ACSL3: variants seen among roughly 807,000 people sequenced by gnomAD.
ACSL3 encodes fatty acid CoA ligase Acsl3.
A neutral mutation model predicts 84.7 loss-of-function variants in ACSL3; 34 were observed. The ratio of observed to expected loss-of-function variants is 0.40; its 90% CI spans 0.31 to 0.53. The LOEUF (loss-of-function observed/expected upper bound fraction) is 0.53. Ranked by LOEUF, ACSL3 falls within the 20% of genes least tolerant of loss-of-function variation. ACSL3 has a pLI of 0.48. For missense variants in ACSL3, 680 were observed against 873.1 expected (o/e 0.78, Z 2.79); for synonymous variants, 315 against 299.4 (o/e 1.05, Z -0.54).
Position 222,861,222 on chromosome 2 carries a change from G to T in ACSL3, c.-243G>T, listed in dbSNP as rs1434040219. ...TCTGGGGCTCAGCCAGGCCTGCGCGGGCCCGAGGCCGGAGGAACCCGGACT... is the reference window on the plus strand; with the variant it reads ...TCTGGGGCTCAGCCAGGCCTGCGCGTGCCCGAGGCCGGAGGAACCCGGACT... On this transcript the variant is annotated 5_prime_UTR_variant, in exon 1 of 17. Transcript: ENST00000357430. The T allele has an allele frequency of 6.6e-6, 1 of 152,172 alleles. No individual in the cohort carries two copies. The highest frequency in any genetic ancestry group is 1.5e-5 in the Non-Finnish European group (1 of 68,062). 9.4% of individuals were successfully genotyped at this position (152,172 alleles called of 1,614,324 possible). A position where few individuals can be genotyped will look rare whatever the true frequency, so the allele number is the denominator to read the frequency against.
Position 222,899,378 on chromosome 2 carries a change from G to A in ACSL3, c.-147-1296G>A, listed in dbSNP as rs1235440181. On this transcript the variant is annotated intron_variant, in intron 2 of 16. Coordinates refer to ENST00000357430, the MANE Select transcript of ACSL3 (RefSeq NM_004457.5). Reference sequence around the variant, plus strand: ...TCGTCCCAGCTACTCAGGAGGCTGAGGCAGGAGAATCGCTTGAACCTGGGA... The same window carrying A: ...TCGTCCCAGCTACTCAGGAGGCTGAAGCAGGAGAATCGCTTGAACCTGGGA... Among the ~76,000 whole-genome samples, 3 of 152,140 alleles carry A rather than the reference G, an allele frequency of 2.0e-5. No individual in the cohort carries two copies. The East Asian group carries it at 5.8e-4, about 29-fold the overall frequency.
intron 4 of ACSL3, among the ~76,000 whole-genome samples, chr2:222,913,155 ATATGGTGCTTAGAG>A (rs1233022656): frequency 6.6e-6 from 1 of 152,218 alleles, no homozygotes; most frequent in African/African-American, 2.4e-5. Context: ...GGATTATGTA[ATATGGTGCTTAGAG>A]AAGACTTCAC....
chr2:222,938,955 T>A (rs921952186), intron 16 of ACSL3, among the ~76,000 whole-genome samples: 4 of 152,180 alleles, frequency 2.6e-5, no homozygotes, highest in African/African-American at 9.6e-5. Context: ...TCTATTTGGT[T>A]CTTCATTTTA....
chr2:222,922,470 A>C (rs566898314), intron 8 of ACSL3, among the ~76,000 whole-genome samples: 1 of 152,296 alleles, frequency 6.6e-6, no homozygotes, highest in Non-Finnish European at 1.5e-5. Context: ...CCTTCCTGCA[A>C]GTGTGCGCCT....
chr2:222,914,234 C>CGTGTGTGTGTGTGTGT (rs57546680), intron 4 of ACSL3, among the ~76,000 whole-genome samples: 80 of 140,266 alleles, frequency 5.7e-4, no homozygotes, highest in African/African-American at 2.1e-3. Flanking sequence ...TGTGTGTGTA[C>CGTGTGTGTGTGTGTGT]GTGTGTGTGT....
At chr2:222,875,916 A>AG (rs1463988680) in intron 1 of ACSL3, among the ~76,000 whole-genome samples, 1 of 152,232 alleles carries the variant, frequency 6.6e-6, no homozygotes, top group African/African-American at 2.4e-5. Context: ...AACATATACT[A>AG]GGTAATACTT....
At position 222,919,215 on chromosome 2, in the gene ACSL3, T is replaced by G; in HGVS notation, c.805+13T>G. The G allele has an allele frequency of 6.2e-7, 1 of 1,613,182 alleles. No individual in the cohort carries two copies. On this transcript the variant is annotated intron_variant, in intron 7 of 16. Transcript: ENST00000357430. Reference sequence around the variant, plus strand: ...AAGGCCAGCATGGGTATGTTACACTTTTCTAATTCCTTACCTGTGCTTTCT... The same window carrying G: ...AAGGCCAGCATGGGTATGTTACACTGTTCTAATTCCTTACCTGTGCTTTCT...
At chr2:222,864,531 C>A (rs943121393) in intron 1 of ACSL3, among the ~76,000 whole-genome samples, 1 of 151,872 alleles carries the variant, frequency 6.6e-6, no homozygotes, top group African/African-American at 2.4e-5. Context: ...GTGGAATGCT[C>A]CTATGAGAGA....
Position 222,916,514 on chromosome 2 carries a change from T to C in ACSL3, c.556+18T>C, listed in dbSNP as rs773439237. 1.3e-6 allele frequency: 2 copies of C among 1,532,954 alleles called. No individual in the cohort carries two copies. Among genetic ancestry groups the C allele is most frequent in the African/African-American group, 1.4e-5 (1 of 72,438 alleles). 95.0% of individuals were successfully genotyped at this position (1,532,954 alleles called of 1,614,324 possible). On this transcript the variant is annotated intron_variant, in intron 5 of 16. Transcript: ENST00000357430. ...TTTTCAGCGTATGTAGACTTTCTTA[T>C]CTTCTGGAAGAATGAACTTAACTGA...
chr2:222,925,479 G>T (rs956044609), intron 11 of ACSL3, among the ~76,000 whole-genome samples: 2 of 152,014 alleles, frequency 1.3e-5, no homozygotes, highest in Admixed American at 6.6e-5. Context: ...TGTAATCCCA[G>T]CTACTTCAGG....
At chr2:222,873,542 A>G (rs765924897) in intron 1 of ACSL3, among the ~76,000 whole-genome samples, 98 of 152,184 alleles carry the variant, frequency 6.4e-4, no homozygotes, top group Non-Finnish European at 1.1e-3. Flanking sequence ...GAAAGTTTGG[A>G]AAATACGTAA....
At chr2:222,921,120 C>T (rs955525895) in intron 7 of ACSL3, 160 bp from the exon 8 acceptor site, 20 of 790,054 alleles carry the variant, frequency 2.5e-5, no homozygotes, top group South Asian at 7.3e-5. Flanking sequence ...CGTGCAGGGA[C>T]TTGATCTGTT....
At chr2:222,907,756 TAAAAA>T (rs34528925) in intron 3 of ACSL3, among the ~76,000 whole-genome samples, 2 of 138,976 alleles carry the variant, frequency 1.4e-5, no homozygotes, top group Non-Finnish European at 3.1e-5. Flanking sequence ...ATCCTGTCTT[TAAAAA>T]AAAAAAAAAA....
chr2:222,905,866 C>CTT (rs75375146), intron 3 of ACSL3, among the ~76,000 whole-genome samples: 22 of 143,142 alleles, frequency 1.5e-4, no homozygotes, highest in East Asian at 1.4e-3. Context: ...TCCTTTAGTT[C>CTT]TTTTTTTTTT....
intron 1 of ACSL3, among the ~76,000 whole-genome samples, chr2:222,886,321 G>A (rs1272794573): frequency 4.6e-5 from 7 of 152,142 alleles, no homozygotes; most frequent in Non-Finnish European, 1.0e-4. Flanking sequence ...GTGAGAGAAC[G>A]TGTGGTGTTT....
At chr2:222,918,361 G>T (rs189897083) in intron 6 of ACSL3, among the ~76,000 whole-genome samples, 4 of 151,864 alleles carry the variant, frequency 2.6e-5, no homozygotes, top group African/African-American at 9.7e-5. Flanking sequence ...GTTATAAATT[G>T]TTAAGATGCC....
Position 222,934,527 on chromosome 2 carries a change from C to T in ACSL3, c.1848-3C>T. 6.5e-7 allele frequency: 1 copy of T among 1,546,878 alleles called. No homozygotes were observed. ...CTTATCTGTTATCCTTTCTATATTT[C>T]AGTTATCATTCTTATGTCATTGGAT... On this transcript the variant is annotated splice_polypyrimidine_tract_variant and splice_region_variant and intron_variant, in intron 15 of 16. Coordinates refer to ENST00000357430, the MANE Select transcript of ACSL3 (RefSeq NM_004457.5).
intron 16 of ACSL3, among the ~76,000 whole-genome samples, chr2:222,939,873 C>T (rs1362353924): frequency 6.6e-6 from 1 of 152,184 alleles, no homozygotes; most frequent in Non-Finnish European, 1.5e-5. Context: ...CACTCCTTAA[C>T]ACATTTCTTT....
chr2:222,893,619 G>A (rs1695893906), intron 2 of ACSL3, among the ~76,000 whole-genome samples: 1 of 152,024 alleles, frequency 6.6e-6, no homozygotes, highest in Non-Finnish European at 1.5e-5. Context: ...CTTTTTTCCT[G>A]TTTTTCTCTT....
Sources: allele counts gnomAD v4.1 joint callset (sites outside exome capture counted in the v4.1 genomes callset), GRCh38; gene constraint gnomAD v4.1.1; transcripts MANE v1.5; gene names NCBI Gene and HGNC (gene_info 2026-07-23, HGNC 2026-07-21).